Variants in GSE1 observed in about 807,000 individuals in gnomAD.
GSE1 encodes the protein genetic suppressor element 1.
Under a neutral mutation model 112.6 loss-of-function variants are expected in GSE1, and 32 were observed. The observed-to-expected ratio is 0.28, with a 90% CI of 0.21 to 0.38. The LOEUF is 0.38. Ranked by LOEUF, GSE1 falls within the 10% of genes least tolerant of loss-of-function variation. GSE1 has a pLI of 1.00. For missense variants in GSE1, 2,348 were observed against 1,699.2 expected, an observed-to-expected ratio of 1.38 and a Z score of -6.71; for synonymous variants, 1,115 against 735.6, an observed-to-expected ratio of 1.52 and a Z score of -8.35.
chr16:85,671,267 T>C (rs902348098), intron 15 of GSE1, among the ~76,000 whole-genome samples, 169 bp downstream of exon 15: 9 of 151,710 alleles, frequency 5.9e-5, no homozygotes, highest in Admixed American at 1.3e-4. Context: ...GGTGAAACCC[T>C]GTCTCTACTA....
At chr16:85,450,900 C>T (rs1481627978) in intron 2 of GSE1, among the ~76,000 whole-genome samples, 1 of 151,976 alleles carries the variant, frequency 6.6e-6, no homozygotes, top group African/African-American at 2.4e-5. Flanking sequence ...CCCCCTGCCC[C>T]CTGTCTCTAC....
chr16:85,481,170 G>C (rs1310082519), intron 2 of GSE1, among the ~76,000 whole-genome samples: 2 of 152,248 alleles, frequency 1.3e-5, no homozygotes, highest in East Asian at 3.8e-4. Context: ...GTCAGAGCCA[G>C]GCTTCCCAGG....
At chr16:85,574,884 T>C (rs866795700) in intron 1 of GSE1, among the ~76,000 whole-genome samples, 3 of 152,306 alleles carry the variant, frequency 2.0e-5, no homozygotes, top group Middle Eastern at 6.8e-3. Context: ...TATTGGGATC[T>C]GCGCTCCAGG....
In GSE1 at chr16:85,269,253, G is replaced by T. The variant is rs764986059; in HGVS notation, c.2284-88210G>T. Among the ~76,000 whole-genome samples, 25 of 149,554 alleles carry T rather than the reference G, an allele frequency of 1.7e-4. 2 individuals are homozygous for T. The highest frequency in any genetic ancestry group is 1.7e-4 in the Non-Finnish European group (11 of 66,330). On this transcript the variant is annotated intron_variant, in intron 1 of 2. Coordinates refer to the GSE1 transcript ENST00000637419. Reference sequence around the variant, plus strand: ...GACGGGAGGTGGCCTCCTGAGGGCTGCCAGGCCCTTCCTGGGGGAGCATCC... The same window carrying T: ...GACGGGAGGTGGCCTCCTGAGGGCTTCCAGGCCCTTCCTGGGGGAGCATCC...
chr16:85,269,894 G>A (rs998479213), intron 1 of GSE1, among the ~76,000 whole-genome samples: 4 of 149,540 alleles, frequency 2.7e-5, no homozygotes, highest in African/African-American at 9.7e-5. Flanking sequence ...CCGAGGCAGC[G>A]CCGACATGTA....
chr16:85,336,476 C>T (rs928982538), intron 1 of GSE1, among the ~76,000 whole-genome samples: 2 of 152,202 alleles, frequency 1.3e-5, no homozygotes, highest in Non-Finnish European at 2.9e-5. Flanking sequence ...AGGCCACCTG[C>T]AGCCTTGGTG....
intron 2 of GSE1, among the ~76,000 whole-genome samples, chr16:85,465,417 C>A (rs542333060): frequency 6.6e-6 from 1 of 152,366 alleles, no homozygotes; most frequent in East Asian, 1.9e-4. Context: ...TGCTGTGTGA[C>A]TTGGGGCAAG....
At chr16:85,322,654 C>G (rs552400486) in intron 1 of GSE1, among the ~76,000 whole-genome samples, 21 of 147,972 alleles carry the variant, frequency 1.4e-4, no homozygotes, top group African/African-American at 5.0e-4. Flanking sequence ...ATTGCTCTGT[C>G]GCCCAGTCTC....
chr16:85,183,761 A>G (rs2074643940), intron 1 of GSE1, among the ~76,000 whole-genome samples: 1 of 152,168 alleles, frequency 6.6e-6, no homozygotes, highest in Non-Finnish European at 1.5e-5. Context: ...TTACAGATGT[A>G]CAGGCTGAGG....
At chr16:85,514,368 C>A (rs866006374) in intron 2 of GSE1, among the ~76,000 whole-genome samples, 1 of 95,528 alleles carries the variant, frequency 1.0e-5, no homozygotes, top group African/African-American at 3.8e-5. Context: ...TGGGACACCA[C>A]CCCCCCATCC....
intron 2 of GSE1, among the ~76,000 whole-genome samples, chr16:85,473,482 G>T (rs1179317098): frequency 6.6e-6 from 1 of 152,302 alleles, no homozygotes; most frequent in Non-Finnish European, 1.5e-5. Flanking sequence ...ATCTGGCAGG[G>T]CCGGGCTCTC....
upstream of GSE1, among the ~76,000 whole-genome samples, chr16:85,553,360 C>G (rs1427260422): frequency 1.3e-5 from 2 of 151,348 alleles, no homozygotes; most frequent in East Asian, 3.9e-4. Context: ...CACGCAGCTC[C>G]GGAAACAAAG....
At chr16:85,575,000 C>T (rs895641262) in intron 1 of GSE1, among the ~76,000 whole-genome samples, 1 of 152,230 alleles carries the variant, frequency 6.6e-6, no homozygotes, top group Non-Finnish European at 1.5e-5. Context: ...CAGCGGCTTG[C>T]TTCAAAGGTT....
At chr16:85,477,229 A>C (rs1304359581) in intron 2 of GSE1, among the ~76,000 whole-genome samples, 3 of 152,166 alleles carry the variant, frequency 2.0e-5, no homozygotes, top group African/African-American at 7.2e-5. Context: ...GCTGAGTTGG[A>C]GCTGACCCCG....
chr16:85,227,391 G>A (rs2075507730), intron 1 of GSE1, among the ~76,000 whole-genome samples: 1 of 152,238 alleles, frequency 6.6e-6, no homozygotes, highest in Non-Finnish European at 1.5e-5. Flanking sequence ...AGGATGAGGT[G>A]CCAGAAGGGG....
chr16:85,546,276 G>A (rs2044697330), intron 2 of GSE1, among the ~76,000 whole-genome samples: 1 of 152,114 alleles, frequency 6.6e-6, no homozygotes, highest in Admixed American at 6.5e-5. Flanking sequence ...AGTAGAGATG[G>A]GGTTTCACCA....
upstream of GSE1, among the ~76,000 whole-genome samples, chr16:85,610,169 C>G (rs770402801): frequency 6.6e-6 from 1 of 152,242 alleles, no homozygotes; most frequent in African/African-American, 2.4e-5. Context: ...CACCAGCATC[C>G]TGTTGCCTTG....
chr16:85,371,752 G>T (rs1007542416), intron 2 of GSE1, among the ~76,000 whole-genome samples: 1 of 152,190 alleles, frequency 6.6e-6, no homozygotes, highest in Non-Finnish European at 1.5e-5. Context: ...TGGGCCCCTG[G>T]GTACTAGGTG....
chr16:85,516,423 C>A (rs996643670), intron 2 of GSE1, among the ~76,000 whole-genome samples: 10 of 129,600 alleles, frequency 7.7e-5, no homozygotes, highest in African/African-American at 3.0e-4. Context: ...CCCTGGAGAT[C>A]AGCCTGGGCT....
Sources: gnomAD v4.1 joint callset for allele counts (sites outside exome capture counted in the v4.1 genomes callset) on GRCh38, gnomAD v4.1.1 for gene constraint, MANE v1.5 for transcripts, NCBI Gene and HGNC (gene_info 2026-07-23, HGNC 2026-07-21) for gene names.